Variants in SAMSN1 observed in about 807,000 individuals in gnomAD.
The protein encoded by SAMSN1 is SAM domain, SH3 domain and nuclear localization signals 1.
A neutral mutation model predicts 42.0 loss-of-function variants in SAMSN1; 31 were observed. That is an observed-to-expected ratio of 0.74 (90% CI 0.55 to 1.00). The LOEUF is 1.00. Ranked by LOEUF, SAMSN1 falls within the 50% of genes least tolerant of loss-of-function variation. The pLI is 0.00. For synonymous variants in SAMSN1, 178 were observed against 151.9 expected (o/e 1.17, Z -1.26); for missense variants, 464 against 439.4 (o/e 1.06, Z -0.50).
At chr21:14,559,500 T>A (rs1419562479) in intron 2 of SAMSN1, among the ~76,000 whole-genome samples, 2 of 152,114 alleles carry the variant, frequency 1.3e-5, no homozygotes, top group Non-Finnish European at 2.9e-5. Flanking sequence ...ATCTGTCTCT[T>A]TCTGTCTCTC....
At chr21:14,652,896 A>G (rs942813382) in intron 1 of SAMSN1, among the ~76,000 whole-genome samples, 2 of 152,102 alleles carry the variant, frequency 1.3e-5, no homozygotes, top group African/African-American at 2.4e-5. Context: ...GACATTTCCA[A>G]AAGAGGACAT....
chr21:14,555,765 A>C (rs548743660), intron 2 of SAMSN1, among the ~76,000 whole-genome samples: 1 of 152,328 alleles, frequency 6.6e-6, no homozygotes, highest in East Asian at 1.9e-4. Context: ...ATAACTTTTA[A>C]ACTTAGAATA....
intron 5 of SAMSN1, among the ~76,000 whole-genome samples, chr21:14,607,361 C>T (rs773825819): frequency 6.6e-6 from 1 of 152,216 alleles, no homozygotes; most frequent in Non-Finnish European, 1.5e-5. Flanking sequence ...AATGAAACCA[C>T]TATACCCATA....
At chr21:14,492,721 G>T (rs1016752898) in intron 7 of SAMSN1, among the ~76,000 whole-genome samples, 1 of 152,074 alleles carries the variant, frequency 6.6e-6, no homozygotes, top group Non-Finnish European at 1.5e-5. Flanking sequence ...ATAGTTTTTT[G>T]TATGATATAG....
intron 6 of SAMSN1, among the ~76,000 whole-genome samples, chr21:14,597,367 C>T (rs1230374709): frequency 1.3e-5 from 2 of 152,078 alleles, no homozygotes; most frequent in Non-Finnish European, 2.9e-5. Flanking sequence ...AGTTTTAATT[C>T]TGTACATAGC....
intron 1 of SAMSN1, among the ~76,000 whole-genome samples, chr21:14,536,442 C>T (rs1371770025): frequency 6.6e-6 from 1 of 152,194 alleles, no homozygotes; most frequent in Non-Finnish European, 1.5e-5. Flanking sequence ...TGTCATTTCT[C>T]TAGCTATTCA....
Position 14,609,692 on chromosome 21 carries a change from G to C in SAMSN1, c.236-124C>G. The C allele has an allele frequency of 6.0e-6, 4 of 662,468 alleles. No homozygotes were observed. In the South Asian group the frequency reaches 6.8e-5, roughly 11 times the overall value. 41.0% of individuals were successfully genotyped at this position (662,468 alleles called of 1,614,324 possible). On this transcript the variant is annotated intron_variant, in intron 4 of 15. Coordinates refer to the SAMSN1 transcript ENST00000647101. ...CAACTTGGTAAGTGGTATCTTAAGA[G>C]AGCTCTAGTTCTAGGTGATGCAGGA...
At chr21:14,582,530 C>A in intron 1 of SAMSN1, 1 of 712,788 alleles carries the variant, frequency 1.4e-6, no homozygotes, top group East Asian at 2.7e-5. Context: ...GATTATAATT[C>A]TTCACATATA....
At chr21:14,550,975 G>C (rs1452880856), upstream of SAMSN1, among the ~76,000 whole-genome samples, 1 of 151,892 alleles carries the variant, frequency 6.6e-6, no homozygotes, top group Non-Finnish European at 1.5e-5. Context: ...TTGGCTCCTT[G>C]GGTAGATATG....
intron 2 of SAMSN1, among the ~76,000 whole-genome samples, chr21:14,520,358 A>G (rs995824974): frequency 1.3e-5 from 2 of 152,194 alleles, no homozygotes; most frequent in African/African-American, 4.8e-5. Context: ...AACTTACATA[A>G]CATTTTATAT....
intron 2 of SAMSN1, among the ~76,000 whole-genome samples, chr21:14,623,422 TG>T (rs1471284631): frequency 6.6e-6 from 1 of 152,176 alleles, no homozygotes; most frequent in African/African-American, 2.4e-5. Context: ...AATAAAGGGA[TG>T]GAAGAAGATC....
At chr21:14,529,159 C>CT (rs1979074850) in intron 1 of SAMSN1, among the ~76,000 whole-genome samples, 1 of 152,212 alleles carries the variant, frequency 6.6e-6, no homozygotes, top group African/African-American at 2.4e-5. Flanking sequence ...TTTGCTCCTA[C>CT]TGTTTTTTAT....
chr21:14,597,472 T>G (rs907259334), intron 6 of SAMSN1, among the ~76,000 whole-genome samples: 3 of 152,170 alleles, frequency 2.0e-5, no homozygotes, highest in Non-Finnish European at 4.4e-5. Flanking sequence ...TTACACTACA[T>G]GAGAACTGAA....
intron 7 of SAMSN1, among the ~76,000 whole-genome samples, chr21:14,497,546 C>T (rs892243474): frequency 3.3e-5 from 5 of 152,104 alleles, no homozygotes; most frequent in African/African-American, 4.8e-5. Flanking sequence ...GAGCCGAGAT[C>T]GCACCGCTGC....
At chr21:14,610,316 G>C (rs1982670996) in intron 4 of SAMSN1, among the ~76,000 whole-genome samples, 1 of 152,084 alleles carries the variant, frequency 6.6e-6, no homozygotes, top group African/African-American at 2.4e-5. Flanking sequence ...CTATGGATAG[G>C]GATGAAACAT....
intron 2 of SAMSN1, among the ~76,000 whole-genome samples, chr21:14,619,184 C>T (rs1982937283): frequency 1.3e-5 from 2 of 152,234 alleles, no homozygotes; most frequent in South Asian, 2.1e-4. Flanking sequence ...TTACAGATGA[C>T]TATCCTTTGG....
chr21:14,515,826 G>T (rs781473222), intron 3 of SAMSN1, among the ~76,000 whole-genome samples: 76 of 152,064 alleles, frequency 5.0e-4, no homozygotes, highest in African/African-American at 1.5e-3. Flanking sequence ...AATTAAAAAC[G>T]AACAATGGAT....
In SAMSN1 at chr21:14,614,291, T is replaced by C. The variant is rs74953352; in HGVS notation, c.198-1378A>G. ...TAATACAAAAACAGTGGGGATGCAG[T>C]TGAGGTAGTAGAATGGGTAGAAATA... On this transcript the variant is annotated intron_variant, in intron 3 of 15. Coordinates refer to the SAMSN1 transcript ENST00000647101. 3.7e-4 allele frequency among the ~76,000 whole-genome samples: 56 copies of C among 152,230 alleles called. No homozygotes were observed. The East Asian group carries it at 0.011, about 29-fold the overall frequency.
At chr21:14,528,898 T>C (rs1414936302) in intron 1 of SAMSN1, among the ~76,000 whole-genome samples, 1 of 152,166 alleles carries the variant, frequency 6.6e-6, no homozygotes, top group African/African-American at 2.4e-5. Flanking sequence ...TATTTATCCG[T>C]AATTATTTCA....
Sources: allele counts gnomAD v4.1 joint callset (sites outside exome capture counted in the v4.1 genomes callset), GRCh38; gene constraint gnomAD v4.1.1; transcripts MANE v1.5; gene names NCBI Gene and HGNC (gene_info 2026-07-23, HGNC 2026-07-21).